Variants in RTTN observed in about 807,000 individuals in gnomAD.
RTTN encodes the protein rotatin.
RTTN carries 182 observed loss-of-function variants against 269.2 expected under a neutral mutation model. The observed-to-expected ratio is 0.68, with a 90% CI of 0.60 to 0.76. The LOEUF (loss-of-function observed/expected upper bound fraction) is 0.76, where lower values mean the gene tolerates loss of function less well. Among genes scored for constraint, RTTN ranks in the 30% least tolerant of loss-of-function variants. RTTN has a pLI of 0.00. For missense variants in RTTN, 2,545 were observed against 2,608.6 expected, an observed-to-expected ratio of 0.98 and a Z score of 0.53; for synonymous variants, 1,006 against 963.5, an observed-to-expected ratio of 1.04 and a Z score of -0.82.
At position 70,088,139 on chromosome 18, in the gene RTTN, G is replaced by A. The variant is rs1473243470; in HGVS notation, c.4152C>T (p.Phe1384=). 6.2e-7 allele frequency: 1 copy of A among 1,608,580 alleles called. No individual in the cohort carries two copies. The highest frequency in any genetic ancestry group is 1.3e-5 in the African/African-American group (1 of 74,776). The stretch of plus-strand genomic sequence containing the variant: ...GTGCTGATCCTAATCCCAGTGAAGT[G>A]AATCTCACCTGTTCAAATTAAAGAG... ...LWVDRDPEVR[F]TSLGLGSALT... is the part of the protein sequence containing the mutation. Residue 1384 remains phenylalanine, a synonymous_variant, in exon 31 of 49, where the codon TTC becomes TTT. Coordinates refer to ENST00000640769, the MANE Select transcript of RTTN (RefSeq NM_173630.4).
chr18:70,139,880 T>G (rs2060213369), intron 20 of RTTN, 164 bp from the exon 21 acceptor site: 1 of 623,702 alleles, frequency 1.6e-6, no homozygotes, highest in African/African-American at 1.9e-5. Flanking sequence ...GAAAGTAAGT[T>G]TCGTATATAC....
At chr18:70,129,895 T>A (rs1319284483) in intron 23 of RTTN, 2 of 150,574 alleles carry the variant, frequency 1.3e-5, no homozygotes, top group Non-Finnish European at 3.0e-5. Flanking sequence ...AGATTAACCA[T>A]CAAAATATAT....
chr18:70,127,217 A>T (rs1287333094), intron 25 of RTTN, among the ~76,000 whole-genome samples: 2 of 152,218 alleles, frequency 1.3e-5, no homozygotes, highest in Non-Finnish European at 2.9e-5. Context: ...ATAGAAATAA[A>T]CATTCAATTT....
intron 39 of RTTN, among the ~76,000 whole-genome samples, chr18:70,049,542 T>C (rs1433689477): frequency 1.3e-5 from 2 of 152,128 alleles, no homozygotes; most frequent in African/African-American, 4.8e-5. Context: ...TGGTTAAAAA[T>C]TGTATCATGC....
intron 10 of RTTN, among the ~76,000 whole-genome samples, chr18:70,180,835 C>T (rs1429348840): frequency 6.6e-6 from 1 of 152,262 alleles, no homozygotes; most frequent in Non-Finnish European, 1.5e-5. Flanking sequence ...CGTGTTATTC[C>T]TTTATGCTTA....
chr18:70,054,526 T>A (rs951146199), intron 37 of RTTN, among the ~76,000 whole-genome samples: 1 of 152,188 alleles, frequency 6.6e-6, no homozygotes, highest in South Asian at 2.1e-4. Flanking sequence ...AGTTTTGAAT[T>A]CCATTTAAAG....
intron 27 of RTTN, 36 bp downstream of exon 27, chr18:70,114,409 T>G: frequency 6.3e-7 from 1 of 1,585,334 alleles, no homozygotes; most frequent in Non-Finnish European, 8.6e-7. Context: ...GGGTTCTATA[T>G]AAATGCACCT....
intron 18 of RTTN, 49 bp from the exon 19 acceptor site, chr18:70,142,436 A>G (rs747963692): frequency 9.8e-7 from 1 of 1,025,048 alleles, no homozygotes; most frequent in East Asian, 2.4e-5. Flanking sequence ...ATCTGCTTCC[A>G]ATTCTCCAAT....
rs2058361989 is a variant in RTTN, at chr18:70,073,927, A to G, written c.4632T>C (p.Ser1544=). The G allele has an allele frequency of 6.2e-7, 1 of 1,611,418 alleles. No homozygotes were observed. The highest frequency in any genetic ancestry group is 1.7e-5 in the Admixed American group (1 of 59,872). Residue 1544 remains serine, a synonymous_variant, in exon 34 of 49, where the codon TCT becomes TCC. Transcript: ENST00000640769. ...SRTSQDRDPS[S]LSTSETTVAP... is the part of the protein sequence containing the mutation. The stretch of plus-strand genomic sequence containing the variant: ...GTACCGTTGTTTCTGAGGTGGAGAG[A>G]GAACTTGGATCTCGATCCTGACTTG...
intron 28 of RTTN, among the ~76,000 whole-genome samples, chr18:70,103,229 C>T (rs1233352365): frequency 6.6e-6 from 1 of 152,154 alleles, no homozygotes; most frequent in Non-Finnish European, 1.5e-5. Context: ...AAGTGACAGC[C>T]TGTCTGCAGG....
chr18:70,086,156 ATTTG>A (rs2058693625), intron 32 of RTTN, among the ~76,000 whole-genome samples: 1 of 152,186 alleles, frequency 6.6e-6, no homozygotes, highest in South Asian at 2.1e-4. Flanking sequence ...CTATCTACAA[ATTTG>A]TTTATTATTA....
intron 45 of RTTN, among the ~76,000 whole-genome samples, chr18:70,018,189 T>C (rs2056597883): frequency 6.6e-6 from 1 of 152,192 alleles, no homozygotes; most frequent in Admixed American, 6.5e-5. Flanking sequence ...CAGGTACTTA[T>C]CATTACAAGT....
At chr18:70,119,220 A>G (rs1031911974) in intron 26 of RTTN, among the ~76,000 whole-genome samples, 4 of 152,136 alleles carry the variant, frequency 2.6e-5, no homozygotes, top group African/African-American at 7.2e-5. Flanking sequence ...TTAAAAATGA[A>G]TTCAATAAAG....
chr18:70,004,058 C>T lies in RTTN; in HGVS notation c.*93G>A, dbSNP rs7998. On this transcript the variant is annotated 3_prime_UTR_variant, in exon 49 of 49. Transcript: ENST00000640769. Reference sequence around the variant, plus strand: ...ATCAACACTTTGTAGAGAGGTAGCACGTCTTCAGGTAACAGCTGCTACACA... The same window carrying T: ...ATCAACACTTTGTAGAGAGGTAGCATGTCTTCAGGTAACAGCTGCTACACA... The T allele has an allele frequency of 0.081, 70,210 of 871,694 alleles. 3,151 individuals carry two copies. The highest frequency in any genetic ancestry group is 0.094 in the Non-Finnish European group (48,886 of 521,464). 54.0% of individuals were successfully genotyped at this position (871,694 alleles called of 1,614,324 possible).
intron 32 of RTTN, among the ~76,000 whole-genome samples, chr18:70,082,768 G>A (rs2058603818): frequency 6.6e-6 from 1 of 152,120 alleles, no homozygotes; most frequent in Non-Finnish European, 1.5e-5. Flanking sequence ...ATAGCTTACT[G>A]TGGCCTCAAA....
intron 43 of RTTN, among the ~76,000 whole-genome samples, chr18:70,026,435 C>T (rs963767105): frequency 6.6e-6 from 1 of 152,016 alleles, no homozygotes; most frequent in East Asian, 1.9e-4. Flanking sequence ...GTGTGTGGTA[C>T]CTCCTCGCCA....
chr18:70,028,880 T>C, intron 42 of RTTN, 79 bp from the exon 43 acceptor site: 1 of 971,124 alleles, frequency 1.0e-6, no homozygotes, highest in Admixed American at 2.0e-5. Flanking sequence ...TCCCTCCCCT[T>C]TGGGTCACGG....
chr18:70,153,435 C>T (rs2060592057), intron 14 of RTTN, among the ~76,000 whole-genome samples: 1 of 152,030 alleles, frequency 6.6e-6, no homozygotes, highest in African/African-American at 2.4e-5. Context: ...TCACTACAGT[C>T]TAGCATATGG....
intron 18 of RTTN, among the ~76,000 whole-genome samples, chr18:70,142,612 T>A (rs2060286026): frequency 6.6e-6 from 1 of 152,246 alleles, no homozygotes; most frequent in South Asian, 2.1e-4. Flanking sequence ...TGAACTAATT[T>A]ACACAGTCAT....
Sources: gnomAD v4.1 joint callset for allele counts (sites outside exome capture counted in the v4.1 genomes callset) on GRCh38, gnomAD v4.1.1 for gene constraint, MANE v1.5 for transcripts, NCBI Gene and HGNC (gene_info 2026-07-23, HGNC 2026-07-21) for gene names.